Variants in NWD2 observed in about 807,000 individuals in gnomAD.
The protein encoded by NWD2 is NACHT and WD repeat domain-containing protein 2.
Under a neutral mutation model 132.7 loss-of-function variants are expected in NWD2, and 37 were observed. The ratio of observed to expected loss-of-function variants is 0.28; its 90% CI spans 0.21 to 0.37. NWD2 has a LOEUF of 0.37. Ranked by LOEUF, NWD2 falls within the 10% of genes least tolerant of loss-of-function variation. The pLI, the probability that NWD2 is intolerant of heterozygous loss-of-function variation, is 1.00. For synonymous variants in NWD2, 705 were observed against 803.0 expected, an observed-to-expected ratio of 0.88 and a Z score of 2.06; for missense variants, 1,592 against 2,122.4, an observed-to-expected ratio of 0.75 and a Z score of 4.91.
chr4:37,257,475 A>G (rs1001546353), intron 1 of NWD2, among the ~76,000 whole-genome samples: 4 of 152,218 alleles, frequency 2.6e-5, no homozygotes, highest in Non-Finnish European at 5.9e-5. Flanking sequence ...AATAATACCT[A>G]TCTCACAAGG....
intron 3 of NWD2, among the ~76,000 whole-genome samples, chr4:37,394,799 G>GTTTGTTTTT: frequency 1.9e-5 from 1 of 52,596 alleles, no homozygotes; most frequent in Non-Finnish European, 3.2e-5. Flanking sequence ...AACCTTTATG[G>GTTTGTTTTT]TTTTTTTTTT....
chr4:37,364,696 AC>A (rs1297036985), intron 3 of NWD2, among the ~76,000 whole-genome samples: 11 of 70,332 alleles, frequency 1.6e-4, no homozygotes, highest in African/African-American at 4.7e-4. Flanking sequence ...CCACTTACAC[AC>A]ACACACACAC....
chr4:37,339,037 T>C (rs908566222), intron 2 of NWD2, among the ~76,000 whole-genome samples: 4 of 152,246 alleles, frequency 2.6e-5, no homozygotes, highest in Non-Finnish European at 2.9e-5. Context: ...GTGAAATGCA[T>C]GTCTCTTTGT....
At chr4:37,361,322 T>G (rs1033436512) in intron 3 of NWD2, among the ~76,000 whole-genome samples, 4 of 152,150 alleles carry the variant, frequency 2.6e-5, no homozygotes, top group Non-Finnish European at 5.9e-5. Flanking sequence ...CAACTCATTC[T>G]TAAAAACCAG....
At chr4:37,322,886 A>G (rs568643030) in intron 1 of NWD2, among the ~76,000 whole-genome samples, 2 of 152,290 alleles carry the variant, frequency 1.3e-5, no homozygotes, top group African/African-American at 4.8e-5. Context: ...TTTTTATTTC[A>G]TAAGCTTTAG....
chr4:37,319,062 T>C (rs755184279), intron 1 of NWD2, among the ~76,000 whole-genome samples: 1 of 152,238 alleles, frequency 6.6e-6, no homozygotes, highest in Non-Finnish European at 1.5e-5. Flanking sequence ...CAAACTGCTT[T>C]CCACAGTGAA....
intron 2 of NWD2, among the ~76,000 whole-genome samples, chr4:37,341,748 C>A (rs566721535): frequency 2.0e-5 from 3 of 152,194 alleles, no homozygotes; most frequent in Non-Finnish European, 2.9e-5. Context: ...GATTTTCATC[C>A]GTAAAACAGA....
At chr4:37,266,484 G>A (rs767335851) in intron 1 of NWD2, among the ~76,000 whole-genome samples, 20 of 152,038 alleles carry the variant, frequency 1.3e-4, no homozygotes, top group Non-Finnish European at 2.2e-4. Context: ...GAAAGAGACC[G>A]TCTCCTTCAG....
intron 1 of NWD2, among the ~76,000 whole-genome samples, chr4:37,310,316 AT>A (rs1718807925): frequency 2.0e-5 from 3 of 152,164 alleles, no homozygotes; most frequent in African/African-American, 7.2e-5. Flanking sequence ...TTGATGCAAA[AT>A]TTCCATTGTT....
At chr4:37,398,409 A>G (rs1015804159) in intron 3 of NWD2, among the ~76,000 whole-genome samples, 1 of 152,216 alleles carries the variant, frequency 6.6e-6, no homozygotes, top group Non-Finnish European at 1.5e-5. Flanking sequence ...ATGAGAGCAC[A>G]TGGACACAGG....
intron 1 of NWD2, among the ~76,000 whole-genome samples, chr4:37,281,551 C>G (rs570549814): frequency 6.6e-6 from 1 of 151,940 alleles, no homozygotes; most frequent in Non-Finnish European, 1.5e-5. Context: ...CCCATCTCTC[C>G]GCTTAAGTAC....
intron 3 of NWD2, among the ~76,000 whole-genome samples, chr4:37,405,525 A>C (rs1345399441): frequency 6.6e-6 from 1 of 152,190 alleles, no homozygotes; most frequent in Non-Finnish European, 1.5e-5. Flanking sequence ...TAATAAAGTT[A>C]ACAATTATTT....
intron 3 of NWD2, among the ~76,000 whole-genome samples, chr4:37,360,312 T>A (rs1180909882): frequency 6.6e-6 from 1 of 152,184 alleles, no homozygotes; most frequent in African/African-American, 2.4e-5. Context: ...TTCATTTATA[T>A]TAGGCATTTA....
chr4:37,371,742 T>TA (rs1720233567), intron 3 of NWD2, among the ~76,000 whole-genome samples: 1 of 152,268 alleles, frequency 6.6e-6, no homozygotes, highest in Admixed American at 6.5e-5. Context: ...CTACTTTTTT[T>TA]ATTTCCCTGG....
intron 1 of NWD2, among the ~76,000 whole-genome samples, chr4:37,322,137 T>A (rs1651535212): frequency 1.3e-5 from 2 of 152,222 alleles, no homozygotes; most frequent in African/African-American, 4.8e-5. Flanking sequence ...TGTGGCTTTT[T>A]TCATTCACTC....
chr4:37,364,489 T>C (rs1289260359), intron 3 of NWD2, among the ~76,000 whole-genome samples: 1 of 152,100 alleles, frequency 6.6e-6, no homozygotes, highest in African/African-American at 2.4e-5. Context: ...TTGCCTGCAG[T>C]AGTATGCCTT....
At chr4:37,401,625 C>A (rs1010468654) in intron 3 of NWD2, among the ~76,000 whole-genome samples, 3 of 151,950 alleles carry the variant, frequency 2.0e-5, no homozygotes, top group African/African-American at 4.8e-5. Context: ...TATGTTAGTC[C>A]CCTACCCAAA....
intron 1 of NWD2, among the ~76,000 whole-genome samples, chr4:37,310,098 C>A (rs1307139354): frequency 6.6e-6 from 1 of 152,142 alleles, no homozygotes; most frequent in African/African-American, 2.4e-5. Flanking sequence ...GAGTAGGGCC[C>A]TATACTTTGT....
intron 1 of NWD2, among the ~76,000 whole-genome samples, chr4:37,301,236 T>C (rs1718606272): frequency 6.6e-6 from 1 of 152,140 alleles, no homozygotes; most frequent in Non-Finnish European, 1.5e-5. Flanking sequence ...TCTGGCTGTT[T>C]CTAAGATCTG....
Sources: allele counts gnomAD v4.1 joint callset (sites outside exome capture counted in the v4.1 genomes callset), GRCh38; gene constraint gnomAD v4.1.1; transcripts MANE v1.5; gene names NCBI Gene and HGNC (gene_info 2026-07-23, HGNC 2026-07-21).